Variants in FAHD2B observed in about 807,000 individuals in gnomAD.
FAHD2B encodes fumarylacetoacetate hydrolase domain containing 2B.
A neutral mutation model predicts 33.7 loss-of-function variants in FAHD2B; 26 were observed. The observed-to-expected ratio is 0.77, with a 90% CI of 0.57 to 1.07. The LOEUF (loss-of-function observed/expected upper bound fraction) is 1.07. FAHD2B is among the 50% of genes least tolerant of loss of function. The pLI, the probability that FAHD2B is intolerant of heterozygous loss-of-function variation, is 0.00. For synonymous variants in FAHD2B, 108 were observed against 150.9 expected, an observed-to-expected ratio of 0.72 and a Z score of 2.08; for missense variants, 272 against 388.1, an observed-to-expected ratio of 0.70 and a Z score of 2.51.
At chr2:97,093,423 G>C (rs978934230) in intron 1 of FAHD2B, among the ~76,000 whole-genome samples, 5 of 150,962 alleles carry the variant, frequency 3.3e-5, no homozygotes, top group Non-Finnish European at 7.4e-5. Context: ...AACTGCTGCC[G>C]CTGAATGCCA....
At chr2:97,079,478 G>A (rs192502193), downstream of FAHD2B, among the ~76,000 whole-genome samples, 2 of 152,148 alleles carry the variant, frequency 1.3e-5, no homozygotes, top group African/African-American at 4.8e-5. Context: ...ACTGGTGTGA[G>A]ATAGTATCTC....
chr2:97,082,043 G>A, downstream of FAHD2B: 1 of 1,586,498 alleles, frequency 6.3e-7, no homozygotes, highest in Admixed American at 1.7e-5. Context: ...AAGCTGCTGT[G>A]GAAACCGAGT....
In FAHD2B at chr2:97,091,509, C is replaced by T. The variant is rs1416510824; in HGVS notation, c.198G>A (p.Met66Ile). The T allele has an allele frequency of 1.2e-6, 2 of 1,613,290 alleles. No homozygotes were observed. Among genetic ancestry groups the T allele is most frequent in the African/African-American group, 2.7e-5 (2 of 74,614 alleles). Residue 66 changes from methionine (M) to isoleucine (I), a missense_variant, in exon 3 of 9, where the codon ATG becomes ATA. Physicochemically the swap from Met to Ile is conservative, Grantham distance 10 (BLOSUM62 1). Transcript: ENST00000414820. ...CCTCTCCCTGCTCTAGGAACTGCGTCATCGTCTTTGGGAGTGTGGGGTCAA... is the reference window on the plus strand; with the variant it reads ...CCTCTCCCTGCTCTAGGAACTGCGTTATCGTCTTTGGGAGTGTGGGGTCAA... ...NAFDPTLPKTMTQFLEQGEAT... is the reference protein window; with the variant it reads ...NAFDPTLPKTITQFLEQGEAT...
chr2:97,093,929 A>G (rs1202921308), intron 1 of FAHD2B, among the ~76,000 whole-genome samples: 2 of 152,132 alleles, frequency 1.3e-5, no homozygotes, highest in Non-Finnish European at 2.9e-5. Flanking sequence ...AGTCCAGGTG[A>G]CATTGAAGTC....
intron 4 of FAHD2B, among the ~76,000 whole-genome samples, chr2:97,088,886 G>A (rs2032162444): frequency 6.6e-6 from 1 of 151,916 alleles, no homozygotes; most frequent in Non-Finnish European, 1.5e-5. Context: ...TTTGCAATGT[G>A]TCACCCCAAC....
intron 1 of FAHD2B, among the ~76,000 whole-genome samples, chr2:97,094,160 T>C (rs1356417574): frequency 6.6e-6 from 1 of 152,136 alleles, no homozygotes; most frequent in Non-Finnish European, 1.5e-5. Flanking sequence ...AGGCGCTCTC[T>C]GGCTATTGCC....
intron 1 of FAHD2B, among the ~76,000 whole-genome samples, chr2:97,093,874 C>T (rs2153384309): frequency 6.6e-6 from 1 of 152,216 alleles, no homozygotes; most frequent in African/African-American, 2.4e-5. Context: ...CCCAAGGTTA[C>T]ACAGTCTTAA....
chr2:97,088,681 T>A (rs990765087), intron 4 of FAHD2B, among the ~76,000 whole-genome samples: 7 of 152,060 alleles, frequency 4.6e-5, no homozygotes. Flanking sequence ...TTAAAACTAC[T>A]AAAGAGATAT....
chr2:97,082,204 G>A (rs1332879045), downstream of FAHD2B: 2 of 1,530,198 alleles, frequency 1.3e-6, no homozygotes, highest in Non-Finnish European at 1.8e-6. Context: ...AGCTCAGCCA[G>A]CAGTCACACT....
intron 1 of FAHD2B, among the ~76,000 whole-genome samples, chr2:97,092,986 A>G (rs1348121085): frequency 6.6e-6 from 1 of 151,542 alleles, no homozygotes; most frequent in Non-Finnish European, 1.5e-5. Context: ...AAAAAAAAAA[A>G]AAGAAATTAT....
chr2:97,080,986 G>A (rs1377160586), downstream of FAHD2B: 11 of 947,130 alleles, frequency 1.2e-5, no homozygotes, highest in South Asian at 3.0e-4. Flanking sequence ...AAGCTTTGGG[G>A]GCTGGGCGCG....
At chr2:97,086,803 C>T (rs1345512566) in intron 4 of FAHD2B, 1 of 153,272 alleles carries the variant, frequency 6.5e-6, no homozygotes, top group Non-Finnish European at 1.5e-5. Context: ...ATGTTGGTCT[C>T]TAATACCACT....
chr2:97,080,191 C>T (rs1336171550), downstream of FAHD2B, among the ~76,000 whole-genome samples: 1 of 152,080 alleles, frequency 6.6e-6, no homozygotes, highest in African/African-American at 2.4e-5. Context: ...AATGGTATTG[C>T]CTAGGCTTTC....
Position 97,091,880 on chromosome 2 carries a change from G to T in FAHD2B, c.-24C>A. On this transcript the variant is annotated 5_prime_UTR_variant, in exon 2 of 9. Coordinates refer to ENST00000414820, the MANE Select transcript of FAHD2B (RefSeq NM_001320848.2). ...TATTTTACCTGCTATACTTCATAAG[G>T]TGAAACTTTTGTAGAGGAGCAACTA... The T allele has an allele frequency of 9.8e-7, 1 of 1,024,914 alleles. No homozygotes were observed. Among genetic ancestry groups the T allele is most frequent in the Non-Finnish European group, 1.4e-6 (1 of 728,900 alleles). 63.5% of individuals were successfully genotyped at this position (1,024,914 alleles called of 1,614,324 possible).
At chr2:97,092,469 T>A (rs890638179) in intron 1 of FAHD2B, among the ~76,000 whole-genome samples, 3 of 152,070 alleles carry the variant, frequency 2.0e-5, no homozygotes, top group Admixed American at 6.6e-5. Context: ...CATCACTTGG[T>A]CATCTCCTCC....
downstream of FAHD2B, among the ~76,000 whole-genome samples, chr2:97,079,759 G>A (rs143674418): frequency 0.02 from 3,016 of 151,664 alleles, 52 homozygotes; most frequent in Non-Finnish European, 0.033. Context: ...CCACCTCCTG[G>A]GTTCAAGCAA....
At chr2:97,090,457 A>G in intron 3 of FAHD2B, 132 bp from the exon 4 acceptor site, 1 of 1,458,390 alleles carries the variant, frequency 6.9e-7, no homozygotes, top group Non-Finnish European at 9.1e-7. Context: ...CAACCATCAG[A>G]GTCAGTGTGA....
chr2:97,081,529 T>C (rs2031644339), downstream of FAHD2B: 3 of 1,554,522 alleles, frequency 1.9e-6, no homozygotes, highest in African/African-American at 1.5e-5. Context: ...GGCAGGGCAG[T>C]TGGAGACAAG....
At chr2:97,080,491 C>T (rs1387989783), downstream of FAHD2B, among the ~76,000 whole-genome samples, 1 of 151,920 alleles carries the variant, frequency 6.6e-6, no homozygotes, top group Non-Finnish European at 1.5e-5. Context: ...TTACTGTAGA[C>T]CTGTAGTATA....
Sources: gnomAD v4.1 joint callset for allele counts (sites outside exome capture counted in the v4.1 genomes callset) on GRCh38, gnomAD v4.1.1 for gene constraint, MANE v1.5 for transcripts, NCBI Gene and HGNC (gene_info 2026-07-23, HGNC 2026-07-21) for gene names.